The following DENND1B variants were observed in gnomAD, a reference collection of about 807,000 sequenced individuals.
DENND1B encodes DENN domain containing 1B.
In DENND1B, 59 loss-of-function variants were observed where a neutral mutation model predicts 90.1. That is an observed-to-expected ratio of 0.65 (90% CI 0.53 to 0.81). DENND1B has a LOEUF of 0.81. Ranked by LOEUF, DENND1B falls within the 40% of genes least tolerant of loss-of-function variation. The pLI is 0.00. For missense variants in DENND1B, 862 were observed against 912.6 expected, an observed-to-expected ratio of 0.94 and a Z score of 0.71; for synonymous variants, 337 against 324.6, an observed-to-expected ratio of 1.04 and a Z score of -0.41.
chr1:197,515,940 G>C (rs1668365136), intron 20 of DENND1B, among the ~76,000 whole-genome samples: 1 of 151,908 alleles, frequency 6.6e-6, no homozygotes, highest in South Asian at 2.1e-4. Context: ...TTCTGTAGCT[G>C]TCTGCATATA....
intron 7 of DENND1B, among the ~76,000 whole-genome samples, chr1:197,648,473 T>C (rs1035723996): frequency 2.0e-5 from 3 of 152,184 alleles, no homozygotes; most frequent in African/African-American, 7.2e-5. Context: ...TATTTACCCC[T>C]GAGCAAATAT....
intron 13 of DENND1B, among the ~76,000 whole-genome samples, chr1:197,600,582 G>A (rs1277362764): frequency 2.0e-5 from 3 of 151,704 alleles, no homozygotes; most frequent in African/African-American, 7.3e-5. Context: ...CCTCTTAATT[G>A]TTATACAATA....
intron 5 of DENND1B, 92 bp downstream of exon 5, chr1:197,671,945 A>T: frequency 7.8e-7 from 1 of 1,289,122 alleles, no homozygotes; most frequent in Non-Finnish European, 1.0e-6. Flanking sequence ...TTTTTAAAGA[A>T]AACAAGTTTT....
chr1:197,678,238 T>A (rs1336331270), intron 3 of DENND1B, among the ~76,000 whole-genome samples: 3 of 152,220 alleles, frequency 2.0e-5, no homozygotes, highest in African/African-American at 7.2e-5. Context: ...ATATTATATT[T>A]TATTTCTTAA....
intron 16 of DENND1B, among the ~76,000 whole-genome samples, chr1:197,550,258 T>C (rs1314515378): frequency 6.6e-6 from 1 of 152,126 alleles, no homozygotes; most frequent in Admixed American, 6.6e-5. Context: ...TAAGTATTAC[T>C]CTTGTTTACT....
At chr1:197,595,710 A>G (rs1289498272) in intron 13 of DENND1B, among the ~76,000 whole-genome samples, 2 of 152,220 alleles carry the variant, frequency 1.3e-5, no homozygotes, top group South Asian at 2.1e-4. Flanking sequence ...TTGCTATGTA[A>G]GGTTATTTGT....
At chr1:197,677,419 G>C (rs567059524) in intron 3 of DENND1B, among the ~76,000 whole-genome samples, 1 of 151,918 alleles carries the variant, frequency 6.6e-6, no homozygotes, top group African/African-American at 2.4e-5. Flanking sequence ...TTTTACTTAC[G>C]GTCCTTATCA....
At position 197,607,157 on chromosome 1, in the gene DENND1B, T is replaced by G; in HGVS notation, c.837A>C (p.Ser279=). The part of the protein sequence containing the change: ...SSLIERVKNK[S]LEDVVMLNVD... ...CATTTAACATAACAACATCTTCCAA[T>G]GATTTGTTTTTCACTCTCTATAAAA... Residue 279 remains serine, a synonymous_variant, in exon 13 of 23, where the codon TCA becomes TCC. Coordinates refer to ENST00000620048, the MANE Select transcript of DENND1B (RefSeq NM_001195215.2). The G allele has an allele frequency of 6.4e-7, 1 of 1,557,142 alleles. No homozygotes were observed. Among genetic ancestry groups the G allele is most frequent in the Non-Finnish European group, 8.6e-7 (1 of 1,156,096 alleles).
chr1:197,716,914 GT>G (rs1213168404), intron 2 of DENND1B, among the ~76,000 whole-genome samples: 1 of 151,930 alleles, frequency 6.6e-6, no homozygotes, highest in Non-Finnish European at 1.5e-5. Context: ...ACCTAAATAT[GT>G]TTTGCTGCCT....
chr1:197,734,144 CTGAA>C (rs1662410833), intron 2 of DENND1B: 4 of 923,758 alleles, frequency 4.3e-6, no homozygotes, highest in Non-Finnish European at 5.2e-6. Flanking sequence ...TTTCATATTC[CTGAA>C]TAAGTTTTAA....
intron 20 of DENND1B, among the ~76,000 whole-genome samples, chr1:197,521,785 A>T (rs1354193755): frequency 1.3e-5 from 2 of 152,056 alleles, no homozygotes; most frequent in Non-Finnish European, 2.9e-5. Flanking sequence ...CCCATGATTG[A>T]CTTGCTTCAA....
At chr1:197,560,130 A>C (rs1571876112) in intron 15 of DENND1B, among the ~76,000 whole-genome samples, 1 of 151,944 alleles carries the variant, frequency 6.6e-6, no homozygotes, top group East Asian at 1.9e-4. Flanking sequence ...TAAGACAACA[A>C]TACTACTTTC....
At chr1:197,744,438 A>G (rs1413504114) in intron 2 of DENND1B, among the ~76,000 whole-genome samples, 4 of 152,202 alleles carry the variant, frequency 2.6e-5, no homozygotes, top group African/African-American at 9.7e-5. Context: ...CTTCTTGTAT[A>G]TCTCCATCAG....
At chr1:197,633,230 G>A (rs999162605) in intron 10 of DENND1B, among the ~76,000 whole-genome samples, 7 of 152,150 alleles carry the variant, frequency 4.6e-5, no homozygotes, top group African/African-American at 1.7e-4. Flanking sequence ...TATGTTATTA[G>A]GTAGAAATAT....
At position 197,703,625 on chromosome 1, in the gene DENND1B, T is replaced by C. The variant is rs114014694; in HGVS notation, c.126+11406A>G. ...GAGCACACAAGGGAATAAAATGTGA[T>C]TTTTGTCTTGTTTGATAATATCTGA... On this transcript the variant is annotated intron_variant, in intron 3 of 22. Coordinates refer to ENST00000620048, the MANE Select transcript of DENND1B (RefSeq NM_001195215.2). 9.1e-3 allele frequency among the ~76,000 whole-genome samples: 1,382 copies of C among 152,252 alleles called. 19 individuals are homozygous for C. The highest frequency in any genetic ancestry group is 0.028 in the African/African-American group (1,175 of 41,542).
At chr1:197,758,960 A>ATTTTTTTTTTTT (rs759108636) in intron 2 of DENND1B, among the ~76,000 whole-genome samples, 6 of 97,834 alleles carry the variant, frequency 6.1e-5, no homozygotes, top group African/African-American at 2.2e-4. Context: ...TACTTCATTA[A>ATTTTTTTTTTTT]TTTTTTTTTT....
intron 2 of DENND1B, among the ~76,000 whole-genome samples, chr1:197,733,364 T>C (rs1010280682): frequency 6.6e-6 from 1 of 152,214 alleles, no homozygotes; most frequent in Admixed American, 6.5e-5. Flanking sequence ...AAACACAGCA[T>C]ACAAACCTTG....
At chr1:197,699,359 A>T (rs564764734) in intron 3 of DENND1B, among the ~76,000 whole-genome samples, 2 of 152,328 alleles carry the variant, frequency 1.3e-5, no homozygotes, top group South Asian at 4.1e-4. Flanking sequence ...AAAATTTGAC[A>T]TCCCTTCAGG....
chr1:197,714,448 T>C (rs927114831), intron 3 of DENND1B, among the ~76,000 whole-genome samples: 2 of 152,084 alleles, frequency 1.3e-5, no homozygotes, highest in African/African-American at 4.8e-5. Context: ...ATACTAAATA[T>C]TTGAGGAACT....
Sources: allele counts gnomAD v4.1 joint callset (sites outside exome capture counted in the v4.1 genomes callset), GRCh38; gene constraint gnomAD v4.1.1; transcripts MANE v1.5; gene names NCBI Gene and HGNC (gene_info 2026-07-23, HGNC 2026-07-21).